The following EFCC1 variants were observed in gnomAD, a reference collection of about 807,000 sequenced individuals.
EFCC1 encodes EF-hand and coiled-coil domain-containing protein 1.
A neutral mutation model predicts 52.1 loss-of-function variants in EFCC1; 50 were observed. The ratio of observed to expected loss-of-function variants is 0.96; its 90% confidence interval spans 0.76 to 1.21. EFCC1 has a LOEUF of 1.21. Ranked by LOEUF, EFCC1 falls within the 50% of genes most tolerant of loss-of-function variation. EFCC1 has a pLI of 0.00. For missense variants in EFCC1, 837 were observed against 867.3 expected (o/e 0.97, Z 0.44); for synonymous variants, 399 against 396.5 (o/e 1.01, Z -0.08).
chr3:129,003,615 G>C (rs1229090666), intron 1 of EFCC1, among the ~76,000 whole-genome samples, 179 bp from the exon 2 acceptor site: 2 of 152,220 alleles, frequency 1.3e-5, no homozygotes, highest in African/African-American at 2.4e-5. Context: ...GATGTGGCGA[G>C]GGTTAAAGGA....
chr3:129,037,043 G>A lies in EFCC1; in HGVS notation c.1519G>A (p.Glu507Lys), dbSNP rs749892499. Residue 507 changes from glutamate to lysine, a missense_variant, in exon 6 of 8, where the codon GAG (glutamate) becomes AAG (lysine). Glu to Lys is a moderately conservative substitution (Grantham distance 56, BLOSUM62 1). Transcript: ENST00000683648. The stretch of plus-strand genomic sequence containing the variant: ...GCTGGAGCTGCAGATGGTAGAGACC[G>A]AGAGGGTGCGGCTGTCCCTGCTGGA... ...LRLELQMVET[E>K]RVRLSLLEEK... is the part of the protein sequence containing the mutation. 6.2e-6 allele frequency: 10 copies of A among 1,613,702 alleles called. No homozygotes were observed. The highest frequency in any genetic ancestry group is 1.6e-4 in the Middle Eastern group (1 of 6,084).
intron 2 of EFCC1, among the ~76,000 whole-genome samples, chr3:129,017,833 G>A (rs1191657713): frequency 6.6e-6 from 1 of 152,206 alleles, no homozygotes; most frequent in African/African-American, 2.4e-5. Context: ...TTAGGGTGTG[G>A]AACTTGGGGG....
intron 2 of EFCC1, among the ~76,000 whole-genome samples, chr3:129,021,703 GATTATCAACAAC>G (rs1260345316): frequency 2.0e-5 from 3 of 152,196 alleles, no homozygotes; most frequent in African/African-American, 7.2e-5. Flanking sequence ...TATAGGGAAA[GATTATCAACAAC>G]ATTCAGTTGA....
chr3:129,029,018 T>G (rs1946210767), intron 2 of EFCC1, among the ~76,000 whole-genome samples: 1 of 152,252 alleles, frequency 6.6e-6, no homozygotes, highest in South Asian at 2.1e-4. Context: ...ATCCTGCTGG[T>G]TTTCACTTCC....
rs1340721600 is a variant in EFCC1 at position 129,030,684 on chromosome 3, G to A, written c.981-19G>A. On this transcript the variant is annotated intron_variant, in intron 2 of 7. Transcript: ENST00000683648. ...CTGTACTCTCCTCCTCAATGCCTGT[G>A]TCTCTCCCACGGCTGCAGGTCAGAG... 6.5e-7 allele frequency: 1 copy of A among 1,549,920 alleles called. No individual in the cohort carries two copies. The highest frequency in any genetic ancestry group is 1.2e-5 in the South Asian group (1 of 83,892).
chr3:129,032,195 A>G (rs1038128952), intron 3 of EFCC1, among the ~76,000 whole-genome samples: 3 of 152,160 alleles, frequency 2.0e-5, no homozygotes, highest in Non-Finnish European at 4.4e-5. Flanking sequence ...TTCCCTGAGC[A>G]TTGAAAATCT....
At chr3:129,011,111 G>A (rs1412138965) in intron 2 of EFCC1, among the ~76,000 whole-genome samples, 2 of 152,182 alleles carry the variant, frequency 1.3e-5, no homozygotes, top group African/African-American at 4.8e-5. Context: ...CCTGCAGCAA[G>A]CCATTCTCAC....
intron 5 of EFCC1, among the ~76,000 whole-genome samples, chr3:129,035,133 T>C (rs1267822927): frequency 6.6e-6 from 1 of 152,242 alleles, no homozygotes; most frequent in Non-Finnish European, 1.5e-5. Flanking sequence ...GGTTTTGACA[T>C]AGTTTTATAT....
chr3:129,036,484 G>A (rs1340022033), intron 5 of EFCC1, among the ~76,000 whole-genome samples: 1 of 152,258 alleles, frequency 6.6e-6, no homozygotes, highest in African/African-American at 2.4e-5. Context: ...CCCTGGCCAA[G>A]AGTGGGCCCA....
intron 2 of EFCC1, among the ~76,000 whole-genome samples, chr3:129,013,304 A>T (rs1945417660): frequency 1.3e-5 from 2 of 152,214 alleles, no homozygotes; most frequent in South Asian, 4.1e-4. Context: ...GTTCTATATT[A>T]TATTGGATTT....
intron 2 of EFCC1, among the ~76,000 whole-genome samples, chr3:129,009,090 C>T (rs1410588169): frequency 1.3e-5 from 2 of 152,182 alleles, no homozygotes; most frequent in Non-Finnish European, 1.5e-5. Flanking sequence ...CATAAAATGT[C>T]ATTCAATCCC....
In EFCC1 at chr3:129,014,210, C is replaced by T. The variant is rs1478695868; in HGVS notation, c.980+10133C>T. 3.3e-5 allele frequency among the ~76,000 whole-genome samples: 5 copies of T among 152,218 alleles called. No homozygotes were observed. The highest frequency in any genetic ancestry group is 2.1e-4 in the South Asian group (1 of 4,836). On this transcript the variant is annotated intron_variant, in intron 2 of 7. Coordinates refer to ENST00000683648, the MANE Select transcript of EFCC1 (RefSeq NM_001377500.1). The surrounding 1 kb of genome is among the most constrained non-coding windows in gnomAD (Gnocchi z 4.3). ...TGGGAAGAGGCAGAGACCCTGCCCTCGTGGACCAACTCTCAGTGCGTTACG... is the reference window on the plus strand; with the variant it reads ...TGGGAAGAGGCAGAGACCCTGCCCTTGTGGACCAACTCTCAGTGCGTTACG...
intron 2 of EFCC1, among the ~76,000 whole-genome samples, chr3:129,013,818 A>T (rs145050077): frequency 1.3e-5 from 2 of 152,350 alleles, no homozygotes; most frequent in African/African-American, 4.8e-5. Flanking sequence ...TCCAAAGAAC[A>T]GTAGTCAGGG....
intron 2 of EFCC1, among the ~76,000 whole-genome samples, chr3:129,027,636 T>A (rs2107930665): frequency 6.6e-6 from 1 of 152,252 alleles, no homozygotes; most frequent in Admixed American, 6.5e-5. Context: ...GGAAGTCCAC[T>A]CAGCGAGTCC....
chr3:129,019,552 G>C (rs528024206), intron 2 of EFCC1, among the ~76,000 whole-genome samples: 1 of 152,258 alleles, frequency 6.6e-6, no homozygotes, highest in African/African-American at 2.4e-5. Context: ...ACAAACAAGA[G>C]AGAACTACAG....
chr3:129,032,003 G>A (rs1172063294), intron 3 of EFCC1, among the ~76,000 whole-genome samples: 2 of 152,162 alleles, frequency 1.3e-5, no homozygotes, highest in African/African-American at 4.8e-5. Context: ...ACTCCCCTGG[G>A]GACGGGGATG....
Position 129,039,910 on chromosome 3 carries a change from G to C in EFCC1, c.*62G>C, listed in dbSNP as rs1946403330. On this transcript the variant is annotated 3_prime_UTR_variant, in exon 8 of 8. Transcript: ENST00000683648. ...TGACTGCCTTTGGACCAGCCTCCAT[G>C]ATCAGCCCAACCACTGACAGCTGGT... 3 of 1,526,390 alleles carry C rather than the reference G, an allele frequency of 2.0e-6. No homozygotes were observed. Among genetic ancestry groups the C allele is most frequent in the African/African-American group, 1.4e-5 (1 of 72,500 alleles). The allele number at this position is 1,526,390 out of a possible 1,614,324, so 94.6% of individuals were successfully genotyped here. A position where few individuals can be genotyped will look rare whatever the true frequency, so the allele number is the denominator to read the frequency against.
chr3:129,036,682 C>G (rs1456514383), intron 5 of EFCC1, among the ~76,000 whole-genome samples: 2 of 152,220 alleles, frequency 1.3e-5, no homozygotes, highest in Non-Finnish European at 2.9e-5. Flanking sequence ...GCCCACTAGC[C>G]TGCCATAAAT....
At chr3:129,036,104 G>A (rs1406918345) in intron 5 of EFCC1, among the ~76,000 whole-genome samples, 1 of 152,242 alleles carries the variant, frequency 6.6e-6, no homozygotes. Context: ...CTGTGGCTGG[G>A]GAGGGTGGAG....
Sources: allele counts gnomAD v4.1 joint callset (sites outside exome capture counted in the v4.1 genomes callset), GRCh38; gene constraint gnomAD v4.1.1; non-coding constraint Gnocchi (gnomAD v3.1); transcripts MANE v1.5; gene names NCBI Gene and HGNC (gene_info 2026-07-23, HGNC 2026-07-21).